DENND1A: variants seen among roughly 807,000 people sequenced by gnomAD.
DENND1A encodes the protein DENN domain-containing protein 1A.
Under a neutral mutation model 113.7 loss-of-function variants are expected in DENND1A, and 51 were observed. That is an observed-to-expected ratio of 0.45 (90% CI 0.36 to 0.57). DENND1A has a LOEUF of 0.57. Ranked by LOEUF, DENND1A falls within the 20% of genes least tolerant of loss-of-function variation. DENND1A has a pLI of 0.00. For synonymous variants in DENND1A, 565 were observed against 570.8 expected (o/e 0.99, Z 0.14); for missense variants, 1,258 against 1,395.9 (o/e 0.90, Z 1.57).
At chr9:123,676,625 T>A in intron 6 of DENND1A, 95 bp downstream of exon 6, 1 of 1,188,276 alleles carries the variant, frequency 8.4e-7, no homozygotes, top group Non-Finnish European at 1.2e-6. Context: ...TGGGCATGCA[T>A]CACTTTTTTG....
intron 5 of DENND1A, among the ~76,000 whole-genome samples, chr9:123,705,454 T>C (rs1564984498): frequency 6.6e-6 from 1 of 152,130 alleles, no homozygotes; most frequent in Non-Finnish European, 1.5e-5. Context: ...AAAGGATATA[T>C]AATAAACTAC....
chr9:123,535,991 A>G (rs1036080125), intron 13 of DENND1A, among the ~76,000 whole-genome samples: 1 of 152,230 alleles, frequency 6.6e-6, no homozygotes, highest in Admixed American at 6.5e-5. Flanking sequence ...CAGTGGTAGT[A>G]TAATTGTTCA....
At chr9:123,914,021 C>T (rs1223829120) in intron 1 of DENND1A, among the ~76,000 whole-genome samples, 2 of 151,752 alleles carry the variant, frequency 1.3e-5, no homozygotes, top group Non-Finnish European at 2.9e-5. Context: ...CACACATAAC[C>T]AGTTCCAAAC....
intron 2 of DENND1A, among the ~76,000 whole-genome samples, chr9:123,828,754 C>G (rs1412956555): frequency 6.6e-6 from 1 of 151,788 alleles, no homozygotes; most frequent in Admixed American, 6.6e-5. Context: ...TTTAAAGATC[C>G]TGAAAGAAAA....
chr9:123,388,629 G>T (rs1209753160), intron 21 of DENND1A, among the ~76,000 whole-genome samples: 1 of 152,186 alleles, frequency 6.6e-6, no homozygotes, highest in Non-Finnish European at 1.5e-5. Context: ...AATATTCATT[G>T]TTATAAAAAA....
At position 123,457,896 on chromosome 9, in the gene DENND1A, T is replaced by G. The variant is rs1361993904; in HGVS notation, c.995A>C (p.Glu332Ala). The part of the protein sequence containing the change: ...SYRNALKIEP[E>A]EPITFCEEAF... The stretch of plus-strand genomic sequence containing the variant: ...TTCCTCACAGAAAGTGATCGGCTCC[T>G]CCTGGGAAGTGCAGAGGGGAGAGGT... Residue 332 changes from glutamate to alanine, a missense_variant and splice_region_variant, in exon 14 of 24, where the codon GAG becomes GCG. Coordinates refer to ENST00000394215, the MANE Select transcript of DENND1A (RefSeq NM_001352964.2). The G allele has an allele frequency of 6.2e-7, 1 of 1,608,166 alleles. No individual in the cohort carries two copies.
At chr9:123,710,673 G>GTTT (rs11392793) in intron 5 of DENND1A, among the ~76,000 whole-genome samples, 8 of 138,974 alleles carry the variant, frequency 5.8e-5, no homozygotes, top group African/African-American at 7.8e-5. Context: ...AATCTTGGAG[G>GTTT]TTTTTTTTTT....
chr9:123,704,717 A>AT (rs1257931834), intron 5 of DENND1A, among the ~76,000 whole-genome samples: 1 of 152,096 alleles, frequency 6.6e-6, no homozygotes, highest in Non-Finnish European at 1.5e-5. Flanking sequence ...TTAGTTTCTC[A>AT]TTTTTTAAAG....
chr9:123,527,622 C>T (rs551444045), intron 13 of DENND1A, among the ~76,000 whole-genome samples: 1 of 152,086 alleles, frequency 6.6e-6, no homozygotes, highest in Non-Finnish European at 1.5e-5. Flanking sequence ...TTGGGTACCC[C>T]CCTTGGATCT....
rs553838696 is a variant in DENND1A, at chr9:123,470,357, G to A, written c.994-12460C>T. On this transcript the variant is annotated intron_variant, in intron 13 of 23. Coordinates refer to ENST00000394215, the MANE Select transcript of DENND1A (RefSeq NM_001352964.2). ...CTCAAACACCTGCTGGCTCAACCAC[G>A]TGGCCAGCGCCAGGGGTTGCCTCAC... 2.1e-3 allele frequency among the ~76,000 whole-genome samples: 10 copies of A among 4,668 alleles called. No homozygotes were observed. The South Asian group carries it at 0.033, about 15-fold the overall frequency. 3.1% of individuals were successfully genotyped at this position (4,668 alleles called of 152,430 possible). A position where few individuals can be genotyped will look rare whatever the true frequency, so the allele number is the denominator to read the frequency against.
At chr9:123,662,907 A>C (rs1273822999) in intron 8 of DENND1A, among the ~76,000 whole-genome samples, 3 of 152,198 alleles carry the variant, frequency 2.0e-5, no homozygotes, top group Admixed American at 6.5e-5. Context: ...AGGTGGTAAA[A>C]GACCAAAACT....
intron 5 of DENND1A, among the ~76,000 whole-genome samples, chr9:123,741,325 T>A (rs1364715761): frequency 6.6e-6 from 1 of 152,230 alleles, no homozygotes; most frequent in African/African-American, 2.4e-5. Flanking sequence ...TGAACGGATA[T>A]GATCGGATAT....
chr9:123,794,790 T>C (rs1372910273), intron 2 of DENND1A, among the ~76,000 whole-genome samples: 1 of 152,054 alleles, frequency 6.6e-6, no homozygotes, highest in East Asian at 1.9e-4. Context: ...GATTAATATA[T>C]ACAACATAGC....
intron 19 of DENND1A, chr9:123,414,606 G>C (rs1359635909): frequency 1.3e-6 from 2 of 1,550,198 alleles, no homozygotes; most frequent in African/African-American, 1.4e-5. Flanking sequence ...CATAGCAAAG[G>C]CTGGTGAGTC....
At chr9:123,692,771 C>T (rs1589690817) in intron 5 of DENND1A, among the ~76,000 whole-genome samples, 2 of 152,262 alleles carry the variant, frequency 1.3e-5, no homozygotes, top group Admixed American at 1.3e-4. Flanking sequence ...TTTATTATGA[C>T]TCTAAAATAG....
chr9:123,525,248 C>G (rs1273415970), intron 13 of DENND1A, among the ~76,000 whole-genome samples: 1 of 152,178 alleles, frequency 6.6e-6, no homozygotes, highest in Admixed American at 6.5e-5. Flanking sequence ...GGGAGCAGCC[C>G]TCTTCAGAGA....
At chr9:123,620,727 C>A (rs192536401) in intron 10 of DENND1A, among the ~76,000 whole-genome samples, 26 of 152,280 alleles carry the variant, frequency 1.7e-4, no homozygotes, top group Admixed American at 7.8e-4. Flanking sequence ...CCCACCACAG[C>A]CCAGCTTCCC....
In DENND1A at chr9:123,543,650, G is replaced by A. The variant is rs568960075; in HGVS notation, c.993+13920C>T. ...GACCGTGCCACATGCTGTCAAGGCC[G>A]CTTGCCTCTGCATGTGCTACTTCCT... On this transcript the variant is annotated intron_variant, in intron 13 of 23. Transcript: ENST00000394215. Among the ~76,000 whole-genome samples, 7 of 152,300 alleles carry A rather than the reference G, an allele frequency of 4.6e-5. No homozygotes were observed. In the South Asian group the frequency reaches 1.2e-3, roughly 27 times the overall value.
At chr9:123,828,997 G>C (rs2132730345) in intron 2 of DENND1A, among the ~76,000 whole-genome samples, 1 of 152,294 alleles carries the variant, frequency 6.6e-6, no homozygotes, top group South Asian at 2.1e-4. Flanking sequence ...GAAAAGGCAG[G>C]AGAAGGGAAC....
Sources: allele counts gnomAD v4.1 joint callset (sites outside exome capture counted in the v4.1 genomes callset), GRCh38; gene constraint gnomAD v4.1.1; transcripts MANE v1.5; gene names NCBI Gene and HGNC (gene_info 2026-07-23, HGNC 2026-07-21).